Variants in CFAP95 observed in about 807,000 individuals in gnomAD.
CFAP95 encodes cilia and flagella associated protein 95.
At chr9:69,851,759 G>A in the CFAP95 span, among the ~76,000 whole-genome samples, 2 of 151,980 alleles carry the variant, frequency 1.3e-5, no homozygotes, top group East Asian at 3.9e-4. Flanking sequence ...TCCTAGCTAC[G>A]TGGGAGGCTG....
At chr9:69,886,604 C>A in the CFAP95 span, among the ~76,000 whole-genome samples, 1 of 152,038 alleles carries the variant, frequency 6.6e-6, no homozygotes, top group Non-Finnish European at 1.5e-5. Flanking sequence ...ACTTAGGGGT[C>A]TTGGAACATA....
the CFAP95 span, among the ~76,000 whole-genome samples, chr9:69,859,447 ACT>A: frequency 2.0e-5 from 3 of 149,902 alleles, no homozygotes; most frequent in South Asian, 6.3e-4. Context: ...CCCCATGCAT[ACT>A]CTCTGTTTTC....
At chr9:69,896,843 T>G in the CFAP95 span, among the ~76,000 whole-genome samples, 10 of 152,084 alleles carry the variant, frequency 6.6e-5, no homozygotes, top group Admixed American at 3.3e-4. Flanking sequence ...GAGCTATGAT[T>G]GCACCACTGC....
chr9:69,878,728 C>T, the CFAP95 span, among the ~76,000 whole-genome samples: 18 of 152,094 alleles, frequency 1.2e-4, no homozygotes, highest in African/African-American at 4.1e-4. Context: ...TTTTGTCTTA[C>T]GTATTTGTAT....
the CFAP95 span, among the ~76,000 whole-genome samples, chr9:69,869,123 A>G: frequency 6.6e-6 from 1 of 152,202 alleles, no homozygotes; most frequent in Non-Finnish European, 1.5e-5. Flanking sequence ...CTACAATATG[A>G]TTTATAAGTC....
chr9:69,852,827 A>C, the CFAP95 span, among the ~76,000 whole-genome samples: 1 of 152,170 alleles, frequency 6.6e-6, no homozygotes, highest in Non-Finnish European at 1.5e-5. Flanking sequence ...GTAATAGTGC[A>C]TAAGTCTCAT....
At chr9:69,888,981 T>C in the CFAP95 span, among the ~76,000 whole-genome samples, 10 of 152,222 alleles carry the variant, frequency 6.6e-5, no homozygotes, top group African/African-American at 2.2e-4. Flanking sequence ...GCAAATACAT[T>C]CATCACTGAA....
chr9:69,862,694 G>A, the CFAP95 span, among the ~76,000 whole-genome samples: 2 of 152,108 alleles, frequency 1.3e-5, no homozygotes, highest in African/African-American at 4.8e-5. Context: ...ATCAGGATAA[G>A]GTATAGTTTT....
chr9:69,853,465 G>T, the CFAP95 span, among the ~76,000 whole-genome samples: 1 of 152,150 alleles, frequency 6.6e-6, no homozygotes, highest in South Asian at 2.1e-4. Flanking sequence ...ATTTTATTAT[G>T]TAAATTAAAT....
At chr9:69,831,532 C>A in the CFAP95 span, among the ~76,000 whole-genome samples, 1 of 152,084 alleles carries the variant, frequency 6.6e-6, no homozygotes, top group Non-Finnish European at 1.5e-5. Flanking sequence ...CTAAGACATC[C>A]TCCCTGCCTT....
the CFAP95 span, among the ~76,000 whole-genome samples, chr9:69,875,578 C>G: frequency 6.6e-6 from 1 of 152,102 alleles, no homozygotes; most frequent in African/African-American, 2.4e-5. Flanking sequence ...AAAAGCTGAC[C>G]TGCAGGACAG....
chr9:69,838,446 A>G, the CFAP95 span, among the ~76,000 whole-genome samples: 1 of 151,350 alleles, frequency 6.6e-6, no homozygotes, highest in Non-Finnish European at 1.5e-5. Flanking sequence ...GAGGTCCTTC[A>G]CATCCCTTGT....
chr9:69,874,631 A>G, the CFAP95 span, among the ~76,000 whole-genome samples: 1 of 152,196 alleles, frequency 6.6e-6, no homozygotes, highest in Non-Finnish European at 1.5e-5. Context: ...TGTTGGCTTT[A>G]TTCCCTCCCG....
At chr9:69,868,353 A>C in the CFAP95 span, among the ~76,000 whole-genome samples, 1 of 151,722 alleles carries the variant, frequency 6.6e-6, no homozygotes, top group Non-Finnish European at 1.5e-5. Context: ...CATCAAACAA[A>C]AAAAAGCTTC....
chr9:69,876,274 T>G, the CFAP95 span, among the ~76,000 whole-genome samples: 1 of 152,224 alleles, frequency 6.6e-6, no homozygotes, highest in African/African-American at 2.4e-5. Flanking sequence ...GGCTCAGGCC[T>G]ATAATCCCAG....
the CFAP95 span, among the ~76,000 whole-genome samples, chr9:69,882,883 C>T: frequency 1.3e-5 from 2 of 152,090 alleles, no homozygotes; most frequent in Non-Finnish European, 2.9e-5. Context: ...CATCAATATT[C>T]ATTAGAGATA....
chr9:69,887,061 G>A, the CFAP95 span, among the ~76,000 whole-genome samples: 4 of 152,102 alleles, frequency 2.6e-5, no homozygotes, highest in Admixed American at 1.3e-4. Flanking sequence ...ATGTTTTATG[G>A]TTATGATTTA....
the CFAP95 span, among the ~76,000 whole-genome samples, chr9:69,851,101 A>G: frequency 6.6e-6 from 1 of 152,182 alleles, no homozygotes; most frequent in Admixed American, 6.5e-5. Context: ...TAACTCTTAC[A>G]GAAACTAGAC....
chr9:69,837,083 G>C, the CFAP95 span, among the ~76,000 whole-genome samples: 2 of 150,668 alleles, frequency 1.3e-5, no homozygotes, highest in Non-Finnish European at 3.0e-5. Context: ...TGGCTGCATA[G>C]TATTCCATGG....
Sources: gnomAD v4.1 joint callset for allele counts (sites outside exome capture counted in the v4.1 genomes callset) on GRCh38, gnomAD v4.1.1 for gene constraint, MANE v1.5 for transcripts, NCBI Gene and HGNC (gene_info 2026-07-23, HGNC 2026-07-21) for gene names.